B4GALT5: variants seen among roughly 807,000 people sequenced by gnomAD.
B4GALT5 encodes the protein beta-1,4-galactosyltransferase 5, also known as UDP-Gal:beta-GlcNAc beta-1,4-galactosyltransferase 5.
Under a neutral mutation model 45.0 loss-of-function variants are expected in B4GALT5, and 11 were observed. The ratio of observed to expected loss-of-function variants is 0.24; its 90% CI spans 0.15 to 0.40. The LOEUF is 0.40. B4GALT5 is among the 10% of genes least tolerant of loss of function. The pLI, the probability that B4GALT5 is intolerant of heterozygous loss-of-function variation, is 1.00. For synonymous variants in B4GALT5, 185 were observed against 182.9 expected, an observed-to-expected ratio of 1.01 and a Z score of -0.09; for missense variants, 337 against 500.2, an observed-to-expected ratio of 0.67 and a Z score of 3.11.
chr20:49,656,012 T>C (rs995458997), intron 2 of B4GALT5, among the ~76,000 whole-genome samples: 9 of 151,634 alleles, frequency 5.9e-5, no homozygotes, highest in Non-Finnish European at 1.3e-4. Flanking sequence ...CCTGCACACC[T>C]CATGCTGAAA....
In B4GALT5 at chr20:49,676,624, G is replaced by A. The variant is rs113215138; in HGVS notation, c.116-19922C>T. ...TTCCGTAAGAAGGCCCATTGCTCTT[G>A]GCTACTGCGCAGGGGCTATGAAGGC... On this transcript the variant is annotated intron_variant, in intron 1 of 8. Transcript: ENST00000371711. Among the ~76,000 whole-genome samples, 363 of 152,310 alleles carry A rather than the reference G, an allele frequency of 2.4e-3. 2 individuals are homozygous for A. The highest frequency in any genetic ancestry group is 8.6e-3 in the African/African-American group (357 of 41,560).
At chr20:49,709,774 A>G (rs2146364520) in intron 1 of B4GALT5, among the ~76,000 whole-genome samples, 1 of 152,302 alleles carries the variant, frequency 6.6e-6, no homozygotes, top group South Asian at 2.1e-4. Context: ...GTCTCAAAAA[A>G]AAAAAAAAAA....
chr20:49,699,055 T>C (rs1215359374), intron 1 of B4GALT5, among the ~76,000 whole-genome samples: 1 of 152,110 alleles, frequency 6.6e-6, no homozygotes, highest in Non-Finnish European at 1.5e-5. Flanking sequence ...TTACTATAAA[T>C]TTGAAACCAA....
At chr20:49,686,929 C>A (rs1477099689) in intron 1 of B4GALT5, among the ~76,000 whole-genome samples, 2 of 151,902 alleles carry the variant, frequency 1.3e-5, no homozygotes, top group Non-Finnish European at 2.9e-5. Flanking sequence ...ATGAAGCTGG[C>A]ATATAGTCCA....
chr20:49,688,960 G>T (rs770300306), intron 1 of B4GALT5, among the ~76,000 whole-genome samples: 11 of 151,570 alleles, frequency 7.3e-5, no homozygotes, highest in Non-Finnish European at 1.5e-4. Context: ...AAAAAACAGG[G>T]TGTAATATTT....
chr20:49,712,852 T>C (rs3787329), intron 1 of B4GALT5, among the ~76,000 whole-genome samples: 1,432 of 25,670 alleles, frequency 0.056, 26 homozygotes, highest in East Asian at 0.18. Context: ...GGGGGGGAGA[T>C]GGGGAAGAGG....
chr20:49,707,761 G>T (rs13044772), intron 1 of B4GALT5, among the ~76,000 whole-genome samples: 74,787 of 151,680 alleles, frequency 0.49, 18,886 homozygotes, highest in South Asian at 0.65. Context: ...ATTACAGGCA[G>T]GCACCACATC....
At chr20:49,668,398 T>C (rs1015793360) in intron 1 of B4GALT5, among the ~76,000 whole-genome samples, 6 of 152,014 alleles carry the variant, frequency 3.9e-5, no homozygotes, top group Non-Finnish European at 7.4e-5. Context: ...AGTACTTTAC[T>C]GATCTAAGCT....
At chr20:49,709,690 A>AC (rs1223641307) in intron 1 of B4GALT5, among the ~76,000 whole-genome samples, 2 of 151,640 alleles carry the variant, frequency 1.3e-5, no homozygotes, top group Non-Finnish European at 2.9e-5. Flanking sequence ...AATCCTTTGA[A>AC]CCTGGGGGGC....
chr20:49,670,144 C>G (rs2085709699), intron 1 of B4GALT5, among the ~76,000 whole-genome samples: 1 of 152,232 alleles, frequency 6.6e-6, no homozygotes. Flanking sequence ...AGCACATAAA[C>G]TGTGACACAA....
chr20:49,666,946 G>A (rs1357130667), intron 1 of B4GALT5, among the ~76,000 whole-genome samples: 1 of 152,104 alleles, frequency 6.6e-6, no homozygotes. Flanking sequence ...CATTTATTGA[G>A]TCCTTATGTG....
At chr20:49,699,104 A>T (rs183301740) in intron 1 of B4GALT5, among the ~76,000 whole-genome samples, 7 of 152,294 alleles carry the variant, frequency 4.6e-5, no homozygotes, top group Admixed American at 6.5e-5. Context: ...CTAATCAAAA[A>T]TCAGAAATGA....
intron 2 of B4GALT5, among the ~76,000 whole-genome samples, chr20:49,653,000 G>A (rs1233375980): frequency 6.6e-6 from 1 of 152,192 alleles, no homozygotes; most frequent in African/African-American, 2.4e-5. Flanking sequence ...GTAGACAACT[G>A]CTTTGAAATG....
chr20:49,670,080 A>G (rs1012640362), intron 1 of B4GALT5, among the ~76,000 whole-genome samples: 1 of 152,232 alleles, frequency 6.6e-6, no homozygotes, highest in Non-Finnish European at 1.5e-5. Flanking sequence ...CTGCCTGTGG[A>G]GTAGCCAGTT....
At chr20:49,692,691 A>G (rs2085819648) in intron 1 of B4GALT5, among the ~76,000 whole-genome samples, 1 of 152,198 alleles carries the variant, frequency 6.6e-6, no homozygotes, top group South Asian at 2.1e-4. Flanking sequence ...GGGTAAGCCC[A>G]ATAATTTTGA....
chr20:49,671,577 GT>G (rs1432594788), intron 1 of B4GALT5, among the ~76,000 whole-genome samples: 12 of 152,232 alleles, frequency 7.9e-5, no homozygotes, highest in African/African-American at 2.9e-4. Context: ...TTATCAAGAT[GT>G]TCAGTGTTTT....
intron 2 of B4GALT5, among the ~76,000 whole-genome samples, chr20:49,654,600 G>A (rs2085634538): frequency 6.6e-6 from 1 of 152,172 alleles, no homozygotes; most frequent in South Asian, 2.1e-4. Context: ...TTAAGGAGAG[G>A]CAATTCTTTT....
chr20:49,695,205 ATTTT>A (rs5841765), intron 1 of B4GALT5, among the ~76,000 whole-genome samples: 3 of 145,796 alleles, frequency 2.1e-5, no homozygotes, highest in Admixed American at 1.4e-4. Context: ...TAGTGCAGTA[ATTTT>A]TTTTTTTTTT....
intron 2 of B4GALT5, among the ~76,000 whole-genome samples, chr20:49,651,415 C>T (rs111262001): frequency 7.9e-5 from 12 of 151,364 alleles, no homozygotes; most frequent in Non-Finnish European, 1.8e-4. Flanking sequence ...ATAGTGAAAC[C>T]CTATCTCTAC....
Sources: allele counts gnomAD v4.1 joint callset (sites outside exome capture counted in the v4.1 genomes callset), GRCh38; gene constraint gnomAD v4.1.1; transcripts MANE v1.5; gene names NCBI Gene and HGNC (gene_info 2026-07-23, HGNC 2026-07-21).